The following ZNF638 variants were observed in gnomAD, a reference collection of about 807,000 sequenced individuals.
The protein encoded by ZNF638 is zinc finger protein 638.
ZNF638 carries 46 observed loss-of-function variants against 195.6 expected under a neutral mutation model. The ratio of observed to expected loss-of-function variants is 0.24; its 90% CI spans 0.19 to 0.30. The LOEUF (loss-of-function observed/expected upper bound fraction) is 0.30, where lower values mean the gene tolerates loss of function less well. Among genes scored for constraint, ZNF638 ranks in the 10% least tolerant of loss-of-function variants. The pLI is 1.00. For missense variants in ZNF638, 2,440 were observed against 2,325.3 expected (o/e 1.05, Z -1.01); for synonymous variants, 845 against 772.0 (o/e 1.09, Z -1.57).
intron 8 of ZNF638, among the ~76,000 whole-genome samples, chr2:71,371,229 TTATC>T (rs1192953375): frequency 6.6e-6 from 1 of 152,210 alleles, no homozygotes. Flanking sequence ...CACATTTTCT[TTATC>T]TATTCATGTG....
Position 71,423,030 on chromosome 2 carries a change from G to C in ZNF638, c.3516G>C (p.Glu1172Asp). 6.2e-7 allele frequency: 1 copy of C among 1,614,118 alleles called. No homozygotes were observed. The highest frequency in any genetic ancestry group is 1.3e-5 in the African/African-American group (1 of 75,046). ...CTTTGGAGCTTGAAACTCAAGGAGA[G>C]GAGGTCAAAGAAGAAATTCCTCTTG... ...VETLELETQG[E>D]EVKEEIPLVA... is the part of the protein sequence containing the mutation. The change falls in exon 22 of 28, where the codon GAG becomes GAC. Residue 1172 changes from glutamate (E) to aspartate (D), a missense_variant. Coordinates refer to ENST00000264447, the MANE Select transcript of ZNF638 (RefSeq NM_014497.5).
At chr2:71,391,091 G>A (rs1037322326) in intron 10 of ZNF638, among the ~76,000 whole-genome samples, 5 of 152,164 alleles carry the variant, frequency 3.3e-5, no homozygotes, top group Admixed American at 2.0e-4. Flanking sequence ...TTAAAAGCCA[G>A]CCATATAGAA....
intron 21 of ZNF638, among the ~76,000 whole-genome samples, chr2:71,420,927 G>T (rs2080418955): frequency 6.6e-6 from 1 of 152,154 alleles, no homozygotes; most frequent in Non-Finnish European, 1.5e-5. Context: ...ATTCTTCTGA[G>T]TAGACCTGTG....
At chr2:71,378,949 T>G (rs1289353825) in intron 8 of ZNF638, among the ~76,000 whole-genome samples, 2 of 152,148 alleles carry the variant, frequency 1.3e-5, no homozygotes, top group African/African-American at 4.8e-5. Context: ...AGAAGGTAGG[T>G]AGAACATACG....
intron 5 of ZNF638, 116 bp from the exon 6 acceptor site, chr2:71,365,313 T>C: frequency 1.2e-6 from 1 of 829,030 alleles, no homozygotes; most frequent in East Asian, 2.8e-5. Flanking sequence ...TCTAGATTTT[T>C]GTATTGTCTG....
chr2:71,372,705 G>T (rs1162036251), intron 8 of ZNF638, among the ~76,000 whole-genome samples: 1 of 152,118 alleles, frequency 6.6e-6, no homozygotes, highest in Non-Finnish European at 1.5e-5. Flanking sequence ...ACAGTGTAGG[G>T]TTCTATTCTA....
At chr2:71,409,554 A>G (rs975847762) in intron 20 of ZNF638, among the ~76,000 whole-genome samples, 1 of 152,098 alleles carries the variant, frequency 6.6e-6, no homozygotes, top group Non-Finnish European at 1.5e-5. Context: ...TAACCTCTAC[A>G]CTCACAGGTG....
intron 10 of ZNF638, among the ~76,000 whole-genome samples, chr2:71,392,232 T>C (rs919897793): frequency 3.9e-5 from 6 of 152,234 alleles, no homozygotes; most frequent in Admixed American, 6.5e-5. Context: ...TCAGTTCTTA[T>C]CTCATACTCC....
chr2:71,344,061 C>T lies in ZNF638; in HGVS notation c.-202-4692C>T, dbSNP rs531213155. Among the ~76,000 whole-genome samples the T allele has an allele frequency of 5.3e-5, 8 of 152,238 alleles. No individual in the cohort carries two copies. In the East Asian group the frequency reaches 1.2e-3, roughly 22 times the overall value. On this transcript the variant is annotated intron_variant, in intron 1 of 27. Coordinates refer to ENST00000264447, the MANE Select transcript of ZNF638 (RefSeq NM_014497.5). ...AGGAGAATTGCTTGAACCTGGGAAG[C>T]GGAGGTTGCAGTGAGCCAAGATCAC...
Position 71,343,404 on chromosome 2 carries a change from A to G in ZNF638, c.-202-5349A>G, listed in dbSNP as rs1398922627. ...GATGTATCTCCTCACCCCACCCCAC[A>G]GTGGCATGCAGGATTTAGATGGAAA... is the stretch of plus-strand genomic sequence containing the variant. On this transcript the variant is annotated intron_variant, in intron 1 of 27. Coordinates refer to ENST00000264447, the MANE Select transcript of ZNF638 (RefSeq NM_014497.5). Among the ~76,000 whole-genome samples, 6 of 152,206 alleles carry G rather than the reference A, an allele frequency of 3.9e-5. No individual in the cohort carries two copies. In the East Asian group the frequency reaches 5.8e-4, roughly 15 times the overall value.
intron 2 of ZNF638, among the ~76,000 whole-genome samples, chr2:71,354,759 AAAAAG>A (rs1218077936): frequency 1.3e-5 from 2 of 152,118 alleles, no homozygotes; most frequent in African/African-American, 4.8e-5. Context: ...AAGAAAAAAA[AAAAAG>A]AAGCATTTCG....
chr2:71,338,184 A>G (rs1258029253), intron 1 of ZNF638, among the ~76,000 whole-genome samples: 7 of 152,118 alleles, frequency 4.6e-5, no homozygotes, highest in Admixed American at 4.6e-4. Context: ...GACCATGCAA[A>G]TATCCTGCTC....
intron 26 of ZNF638, among the ~76,000 whole-genome samples, chr2:71,432,025 G>A (rs1359878105): frequency 6.6e-6 from 1 of 152,164 alleles, no homozygotes; most frequent in African/African-American, 2.4e-5. Flanking sequence ...CAGGCAGAAA[G>A]TCACTCCAGT....
chr2:71,385,963 T>C (rs1408278212), intron 10 of ZNF638, among the ~76,000 whole-genome samples: 1 of 152,248 alleles, frequency 6.6e-6, no homozygotes, highest in Non-Finnish European at 1.5e-5. Flanking sequence ...GAGGGTCGTA[T>C]TGGAAGTATA....
At chr2:71,424,150 A>G in intron 22 of ZNF638, 112 bp downstream of exon 22, 2 of 1,382,954 alleles carry the variant, frequency 1.4e-6, no homozygotes, top group Non-Finnish European at 9.6e-7. Context: ...TCCTCACTCT[A>G]CCCCGGAAGC....
At chr2:71,384,655 G>C (rs914033092) in intron 10 of ZNF638, among the ~76,000 whole-genome samples, 1 of 151,960 alleles carries the variant, frequency 6.6e-6, no homozygotes, top group Non-Finnish European at 1.5e-5. Context: ...ATCCTGTAAG[G>C]CTCATCTCTG....
intron 3 of ZNF638, among the ~76,000 whole-genome samples, chr2:71,358,985 T>C (rs2079066254): frequency 6.6e-6 from 1 of 152,250 alleles, no homozygotes; most frequent in African/African-American, 2.4e-5. Context: ...ATGTTCATTT[T>C]TAAAAACATG....
At chr2:71,381,893 TCA>T (rs1344621326) in intron 10 of ZNF638, among the ~76,000 whole-genome samples, 1 of 152,126 alleles carries the variant, frequency 6.6e-6, no homozygotes, top group African/African-American at 2.4e-5. Flanking sequence ...ATGGAGCCAC[TCA>T]CTAATTGTTT....
rs549063594 is a variant in ZNF638 at position 71,393,719 on chromosome 2, G to A, written c.2378-2422G>A. On this transcript the variant is annotated intron_variant, in intron 10 of 27. Transcript: ENST00000264447. Reference sequence around the variant, plus strand: ...CAACCCGTACCGGCTACACTCTATTGGGCTCATCTGTTAGATCCGCCTTTC... The same window carrying A: ...CAACCCGTACCGGCTACACTCTATTAGGCTCATCTGTTAGATCCGCCTTTC... 11 of 669,034 alleles carry A rather than the reference G, an allele frequency of 1.6e-5. No individual in the cohort carries two copies. The East Asian group carries it at 3.0e-4, about 18-fold the overall frequency. 41.4% of individuals were successfully genotyped at this position (669,034 alleles called of 1,614,324 possible). A position where few individuals can be genotyped will look rare whatever the true frequency, so the allele number is the denominator to read the frequency against.
Sources: allele counts gnomAD v4.1 joint callset (sites outside exome capture counted in the v4.1 genomes callset), GRCh38; gene constraint gnomAD v4.1.1; transcripts MANE v1.5; gene names NCBI Gene and HGNC (gene_info 2026-07-23, HGNC 2026-07-21).